MRPS6: variants seen among roughly 807,000 people sequenced by gnomAD.
The protein encoded by MRPS6 is mitochondrial ribosomal protein S6, also known as small ribosomal subunit protein bS6m.
MRPS6 carries 6 observed loss-of-function variants against 13.1 expected under a neutral mutation model. That is an observed-to-expected ratio of 0.46 (90% CI 0.25 to 0.91). MRPS6 has a LOEUF of 0.91. MRPS6 is among the 40% of genes least tolerant of loss of function. The pLI is 0.18. For synonymous variants in MRPS6, 61 were observed against 56.5 expected, an observed-to-expected ratio of 1.08 and a Z score of -0.36; for missense variants, 164 against 155.6, an observed-to-expected ratio of 1.05 and a Z score of -0.29.
intron 2 of MRPS6, among the ~76,000 whole-genome samples, chr21:34,127,495 G>A (rs565987458): frequency 6.6e-6 from 1 of 152,280 alleles, no homozygotes; most frequent in South Asian, 2.1e-4. Context: ...AGTAAGATCC[G>A]TTCATTAATT....
At chr21:34,139,556 G>A (rs1980837488) in intron 2 of MRPS6, among the ~76,000 whole-genome samples, 1 of 152,108 alleles carries the variant, frequency 6.6e-6, no homozygotes, top group Non-Finnish European at 1.5e-5. Context: ...CAAGGAATTT[G>A]ATCATTTCAT....
At chr21:34,138,266 TC>T (rs1473131937) in intron 2 of MRPS6, among the ~76,000 whole-genome samples, 12 of 152,182 alleles carry the variant, frequency 7.9e-5, no homozygotes, top group Non-Finnish European at 1.2e-4. Flanking sequence ...TTTAATTAGA[TC>T]CCATTGGTCA....
chr21:34,101,744 T>C, intron 1 of MRPS6: 2 of 992,330 alleles, frequency 2.0e-6, no homozygotes, highest in Non-Finnish European at 2.4e-6. Context: ...TCATTAAATA[T>C]AATTATGTTT....
At chr21:34,095,292 A>G in intron 1 of MRPS6, 2 of 1,614,144 alleles carry the variant, frequency 1.2e-6, no homozygotes, top group Non-Finnish European at 8.5e-7. Context: ...GTGGAAATCT[A>G]ATAGAAGCAC....
rs1037446037 is a variant in MRPS6 at position 34,101,464 on chromosome 21, T to A, written c.46-23877T>A. ...GCCAGATGCTAGGTTGTTGAAGGCATTTCAGTGTTGATAATAGCCTGAGCA... is the reference window on the plus strand; with the variant it reads ...GCCAGATGCTAGGTTGTTGAAGGCAATTCAGTGTTGATAATAGCCTGAGCA... On this transcript the variant is annotated intron_variant, in intron 1 of 2. Coordinates refer to ENST00000399312, the MANE Select transcript of MRPS6 (RefSeq NM_032476.4). 1.7e-5 allele frequency: 17 copies of A among 999,990 alleles called. No individual in the cohort carries two copies. In the African/African-American group the frequency reaches 2.8e-4, roughly 16 times the overall value. The allele number at this position is 999,990 out of a possible 1,614,324, so 61.9% of individuals were successfully genotyped here. A position where few individuals can be genotyped will look rare whatever the true frequency, so the allele number is the denominator to read the frequency against.
chr21:34,130,497 G>A (rs963791473), intron 2 of MRPS6, among the ~76,000 whole-genome samples: 3 of 152,080 alleles, frequency 2.0e-5, no homozygotes, highest in Non-Finnish European at 2.9e-5. Context: ...GTTTTTGGTG[G>A]CATTGTTTTC....
At chr21:34,102,994 T>A in intron 1 of MRPS6, 1 of 999,970 alleles carries the variant, frequency 1.0e-6, no homozygotes. Context: ...TTTTTATTGC[T>A]CTTAGACAGA....
intron 2 of MRPS6, among the ~76,000 whole-genome samples, chr21:34,132,546 A>G (rs886796750): frequency 2.6e-5 from 4 of 152,200 alleles, no homozygotes; most frequent in African/African-American, 9.6e-5. Flanking sequence ...GAAGCTAGGA[A>G]AGCCCAGTGT....
At position 34,142,799 on chromosome 21, in the gene MRPS6, C is replaced by A; in HGVS notation, c.*199C>A. ...TGCTCACTGACAGCTTCTCTGTAAC[C>A]TGCAGTACCAGTGGATCGTTCTTGA... is the stretch of plus-strand genomic sequence containing the variant. On this transcript the variant is annotated 3_prime_UTR_variant, in exon 3 of 3. Transcript: ENST00000399312. 1 of 487,328 alleles carries A rather than the reference C, an allele frequency of 2.1e-6. No homozygotes were observed. Among genetic ancestry groups the A allele is most frequent in the Non-Finnish European group, 3.4e-6 (1 of 291,112 alleles). 30.2% of individuals were successfully genotyped at this position (487,328 alleles called of 1,614,324 possible).
intron 1 of MRPS6, chr21:34,102,591 T>A (rs1979294599): frequency 1.0e-6 from 1 of 1,000,194 alleles, no homozygotes; most frequent in African/African-American, 1.7e-5. Flanking sequence ...CTGAGGCTAT[T>A]GACTTAAACC....
intron 1 of MRPS6, among the ~76,000 whole-genome samples, chr21:34,119,748 A>G (rs1330863575): frequency 6.6e-6 from 1 of 152,182 alleles, no homozygotes; most frequent in African/African-American, 2.4e-5. Flanking sequence ...AATTTTGTTG[A>G]CAAGTTTCTC....
chr21:34,134,620 C>G (rs1020940518), intron 2 of MRPS6, among the ~76,000 whole-genome samples: 1 of 152,168 alleles, frequency 6.6e-6, no homozygotes, highest in Non-Finnish European at 1.5e-5. Flanking sequence ...TTTGTCACCC[C>G]TAAAATTTCC....
intron 1 of MRPS6, chr21:34,102,093 T>G (rs1281923235): frequency 1.0e-6 from 1 of 999,968 alleles, no homozygotes; most frequent in Non-Finnish European, 1.2e-6. Flanking sequence ...AACTTAGGGC[T>G]GCAAATCTTT....
intron 1 of MRPS6, chr21:34,095,994 C>T: frequency 6.2e-7 from 1 of 1,614,126 alleles, no homozygotes; most frequent in Non-Finnish European, 8.5e-7. Flanking sequence ...TGGATTCATT[C>T]TTGGGCAGAC....
chr21:34,098,526 T>C, intron 1 of MRPS6: 1 of 1,000,304 alleles, frequency 1.0e-6, no homozygotes, highest in Non-Finnish European at 1.2e-6. Flanking sequence ...TTGTAGTGAC[T>C]TAGAGCATAA....
chr21:34,105,974 A>C lies in MRPS6; in HGVS notation c.46-19367A>C, dbSNP rs1297668876. On this transcript the variant is annotated intron_variant, in intron 1 of 2. Transcript: ENST00000399312. ...TGTAAACATGTATGATCTTGGTTTCATGTGTTTTTGAAAGTGTTATTGTTT... is the reference window on the plus strand; with the variant it reads ...TGTAAACATGTATGATCTTGGTTTCCTGTGTTTTTGAAAGTGTTATTGTTT... 6.0e-6 allele frequency: 6 copies of C among 995,076 alleles called. No individual in the cohort carries two copies. In the African/African-American group the frequency reaches 1.0e-4, roughly 17 times the overall value. 61.6% of individuals were successfully genotyped at this position (995,076 alleles called of 1,614,324 possible).
chr21:34,090,132 T>G (rs1323561193), intron 1 of MRPS6, among the ~76,000 whole-genome samples: 1 of 152,260 alleles, frequency 6.6e-6, no homozygotes, highest in East Asian at 1.9e-4. Flanking sequence ...TTAGGGATAC[T>G]TAATCTGTAG....
In MRPS6 at chr21:34,081,393, G is replaced by A. The variant is rs373077831; in HGVS notation, c.45+7648G>A. On this transcript the variant is annotated intron_variant, in intron 1 of 2. Transcript: ENST00000399312. ...ATACTTAATAAAATACTTAAGGTAC[G>A]TATATATAGTTTTATGACTGGATAT... Among the ~76,000 whole-genome samples, 66 of 152,260 alleles carry A rather than the reference G, an allele frequency of 4.3e-4. No individual in the cohort carries two copies. In the South Asian group the frequency reaches 7.5e-3, roughly 17 times the overall value.
At chr21:34,092,770 C>A (rs187909717) in intron 1 of MRPS6, among the ~76,000 whole-genome samples, 9 of 152,176 alleles carry the variant, frequency 5.9e-5, no homozygotes, top group African/African-American at 1.2e-4. Context: ...TATTTCCCCC[C>A]CAACGGCCAG....
Sources: allele counts gnomAD v4.1 joint callset (sites outside exome capture counted in the v4.1 genomes callset), GRCh38; gene constraint gnomAD v4.1.1; transcripts MANE v1.5; gene names NCBI Gene and HGNC (gene_info 2026-07-23, HGNC 2026-07-21).